The following TUBGCP5 variants were observed in gnomAD, a reference collection of about 807,000 sequenced individuals.
TUBGCP5 encodes the protein gamma-tubulin complex component 5.
In TUBGCP5, 98 loss-of-function variants were observed where a neutral mutation model predicts 134.7. The ratio of observed to expected loss-of-function variants is 0.73; its 90% confidence interval spans 0.62 to 0.86. The LOEUF (loss-of-function observed/expected upper bound fraction) is 0.86, where lower values mean the gene tolerates loss of function less well. TUBGCP5 is among the 40% of genes least tolerant of loss of function. TUBGCP5 has a pLI of 0.00. For synonymous variants in TUBGCP5, 456 were observed against 431.4 expected (o/e 1.06, Z -0.71); for missense variants, 1,150 against 1,244.8 (o/e 0.92, Z 1.15).
chr15:23,037,382 C>G (rs2066653495), intron 1 of TUBGCP5, among the ~76,000 whole-genome samples: 2 of 152,288 alleles, frequency 1.3e-5, no homozygotes, highest in Middle Eastern at 6.8e-3. Flanking sequence ...CCCTCCCAAC[C>G]TTGTCCTCTG....
chr15:23,005,658 A>T, intron 18 of TUBGCP5, 48 bp from the exon 19 acceptor site: 1 of 1,568,824 alleles, frequency 6.4e-7, no homozygotes, highest in Non-Finnish European at 8.7e-7. Flanking sequence ...CATCAACTCA[A>T]ACCCCACTGC....
chr15:23,016,126 C>G (rs1471090084), intron 13 of TUBGCP5, among the ~76,000 whole-genome samples: 2 of 152,140 alleles, frequency 1.3e-5, no homozygotes, highest in African/African-American at 4.8e-5. Flanking sequence ...TCAACAAAAT[C>G]AGGAAAAGAA....
chr15:23,007,397 A>G (rs12594262), intron 16 of TUBGCP5, among the ~76,000 whole-genome samples: 13,516 of 152,226 alleles, frequency 0.089, 1,072 homozygotes, highest in East Asian at 0.46. Flanking sequence ...CTCAAAAAAA[A>G]GAATTTTTAG....
At chr15:23,027,073 T>A in intron 7 of TUBGCP5, 119 bp downstream of exon 7, 2 of 796,444 alleles carry the variant, frequency 2.5e-6, no homozygotes, top group African/African-American at 1.8e-5. Flanking sequence ...AAAAAAGAAT[T>A]GTCAAAACAA....
At chr15:23,031,152 T>A in intron 5 of TUBGCP5, 132 bp from the exon 6 acceptor site, 6 of 852,432 alleles carry the variant, frequency 7.0e-6, no homozygotes, top group Non-Finnish European at 8.6e-6. Context: ...ACAAATTTTT[T>A]TTTCCTAAAT....
chr15:23,004,323 C>A, intron 19 of TUBGCP5, 96 bp from the exon 20 acceptor site: 1 of 1,414,516 alleles, frequency 7.1e-7, no homozygotes, highest in South Asian at 1.3e-5. Context: ...CTACTCCTCT[C>A]AAATTCTTCC....
chr15:23,012,280 CA>C (rs1352542720), intron 13 of TUBGCP5, among the ~76,000 whole-genome samples: 1 of 151,952 alleles, frequency 6.6e-6, no homozygotes, highest in Non-Finnish European at 1.5e-5. Flanking sequence ...AAATATTCCA[CA>C]AAGTGAAAAT....
At chr15:23,009,084 C>T (rs1235635919) in intron 15 of TUBGCP5, among the ~76,000 whole-genome samples, 1 of 151,906 alleles carries the variant, frequency 6.6e-6, no homozygotes, top group Non-Finnish European at 1.5e-5. Flanking sequence ...GAAAGGTTAT[C>T]TTCTATAACA....
chr15:23,011,377 C>T (rs1567121066), intron 13 of TUBGCP5, 46 bp from the exon 14 acceptor site: 3 of 1,392,276 alleles, frequency 2.2e-6, no homozygotes, highest in Admixed American at 1.9e-5. Flanking sequence ...TCTGTTTAAT[C>T]ATATTAAGTA....
intron 10 of TUBGCP5, chr15:23,023,501 C>A (rs1339429872): frequency 6.2e-6 from 1 of 160,708 alleles, no homozygotes; most frequent in Non-Finnish European, 1.4e-5. Flanking sequence ...TGATGAAACA[C>A]TCAATTTGTA....
At chr15:23,022,248 T>C (rs2065747621) in intron 10 of TUBGCP5, 87 bp from the exon 11 acceptor site, 6 of 1,429,442 alleles carry the variant, frequency 4.2e-6, no homozygotes. Context: ...TCATCAGGCT[T>C]ATGGACAGGC....
At chr15:22,993,575 C>T (rs1378833218) in intron 23 of TUBGCP5, among the ~76,000 whole-genome samples, 2 of 122,622 alleles carry the variant, frequency 1.6e-5, no homozygotes, top group Non-Finnish European at 3.2e-5. Context: ...GACGGAGTCT[C>T]GCTCTGTCGC....
At chr15:23,012,528 T>G (rs1178850169) in intron 13 of TUBGCP5, among the ~76,000 whole-genome samples, 2 of 152,108 alleles carry the variant, frequency 1.3e-5, no homozygotes, top group Non-Finnish European at 2.9e-5. Context: ...TGCCTCAGCC[T>G]CCTGAGTAGT....
intron 21 of TUBGCP5, among the ~76,000 whole-genome samples, chr15:23,001,983 C>G (rs527288506): frequency 3.3e-5 from 5 of 152,150 alleles, no homozygotes; most frequent in African/African-American, 1.2e-4. Flanking sequence ...CAATCAGGAA[C>G]AATTAACTTA....
At chr15:23,030,601 T>A (rs77122221) in intron 6 of TUBGCP5, among the ~76,000 whole-genome samples, 17,677 of 119,036 alleles carry the variant, frequency 0.15, 1,491 homozygotes, top group East Asian at 0.47. Context: ...CTTCTCCAAT[T>A]AAAAAAAAAA....
Position 23,006,128 on chromosome 15 carries a change from T to C in TUBGCP5, c.2457A>G (p.Lys819=). ...VDIVISLECQ[K]IYNQVFLLLL... ...AGAGAAGAAACACTTGATTATAAAT[T>C]TTTTGACATTCCAAACTTATAACAA... The change falls in exon 18 of 23, where the codon AAA becomes AAG. Residue 819 remains lysine, a synonymous_variant. Coordinates refer to ENST00000615383, the MANE Select transcript of TUBGCP5 (RefSeq NM_052903.6). 6.2e-7 allele frequency: 1 copy of C among 1,612,660 alleles called. No individual in the cohort carries two copies.
chr15:23,002,443 T>C (rs767843202), intron 21 of TUBGCP5, among the ~76,000 whole-genome samples: 2 of 152,202 alleles, frequency 1.3e-5, no homozygotes, highest in Non-Finnish European at 2.9e-5. Context: ...TATTGAGCTG[T>C]ACACTGGAGT....
At chr15:23,030,423 C>T (rs893830012) in intron 6 of TUBGCP5, among the ~76,000 whole-genome samples, 5 of 152,232 alleles carry the variant, frequency 3.3e-5, no homozygotes, top group South Asian at 2.1e-4. Context: ...ATGCTGCAGA[C>T]GCCAAAATCT....
Position 23,019,215 on chromosome 15 carries a change from T to C in TUBGCP5, c.1487+4A>G, listed in dbSNP as rs369465136. ...CAGTGACCTTGTGCTCTGCTGCAGC[T>C]CACCTCTGGATGATGAACTCCCTGG... On this transcript the variant is annotated splice_donor_region_variant and intron_variant, in intron 12 of 22. Transcript: ENST00000615383. The C allele has an allele frequency of 6.2e-6, 10 of 1,609,038 alleles. No homozygotes were observed. The highest frequency in any genetic ancestry group is 6.8e-6 in the Non-Finnish European group (8 of 1,176,084).
Sources: gnomAD v4.1 joint callset for allele counts (sites outside exome capture counted in the v4.1 genomes callset) on GRCh38, gnomAD v4.1.1 for gene constraint, MANE v1.5 for transcripts, NCBI Gene and HGNC (gene_info 2026-07-23, HGNC 2026-07-21) for gene names.